IL1RAPL2: variants seen among roughly 807,000 people sequenced by gnomAD.
IL1RAPL2 encodes the protein interleukin 1 receptor accessory protein like 2, also known as X-linked interleukin-1 receptor accessory protein-like 2.
Under a neutral mutation model 44.1 loss-of-function variants are expected in IL1RAPL2, and 3 were observed. The observed-to-expected ratio is 0.07, with a 90% confidence interval of 0.03 to 0.18. The LOEUF is 0.18. IL1RAPL2 is among the 10% of genes least tolerant of loss of function. IL1RAPL2 has a pLI of 1.00. For synonymous variants in IL1RAPL2, 181 were observed against 178.8 expected, an observed-to-expected ratio of 1.01 and a Z score of -0.10; for missense variants, 391 against 496.4, an observed-to-expected ratio of 0.79 and a Z score of 2.02.
At chrX:104,797,664 A>G (rs763064268) in intron 2 of IL1RAPL2, among the ~76,000 whole-genome samples, 208 of 111,998 alleles carry the variant, frequency 1.9e-3, no homozygotes, top group Non-Finnish European at 3.3e-3. Context: ...TAAGAGGTAG[A>G]TTCATTCTCA....
chrX:105,758,164 C>T (rs946419968), intron 10 of IL1RAPL2, among the ~76,000 whole-genome samples: 4 of 111,423 alleles, frequency 3.6e-5, no homozygotes, highest in African/African-American at 1.3e-4. Flanking sequence ...ACTACTCCTT[C>T]CTCTGAAAAC....
chrX:105,500,837 A>G (rs1174013665), intron 6 of IL1RAPL2, among the ~76,000 whole-genome samples: 1 of 110,771 alleles, frequency 9.0e-6, no homozygotes, highest in Non-Finnish European at 1.9e-5. Context: ...CTCACTCACA[A>G]CCTCCTGGCA....
At chrX:105,161,255 T>C (rs1253414695) in intron 2 of IL1RAPL2, among the ~76,000 whole-genome samples, 1 of 104,949 alleles carries the variant, frequency 9.5e-6, no homozygotes, top group Non-Finnish European at 1.9e-5. Context: ...TTGCGTGTGC[T>C]TAAAATAACT....
At chrX:105,180,362 A>AG (rs1299890588) in intron 2 of IL1RAPL2, among the ~76,000 whole-genome samples, 1 of 111,219 alleles carries the variant, frequency 9.0e-6, no homozygotes, top group African/African-American at 3.3e-5. Flanking sequence ...AAAACAAAAA[A>AG]AAAAGAAAAG....
intron 2 of IL1RAPL2, among the ~76,000 whole-genome samples, chrX:104,966,215 T>C (rs1333902441): frequency 9.0e-6 from 1 of 111,312 alleles, no homozygotes; most frequent in Non-Finnish European, 1.9e-5. Context: ...AAAAGTTTGG[T>C]AAGTGGAAAA....
chrX:105,032,806 G>A (rs1371221664), intron 2 of IL1RAPL2, among the ~76,000 whole-genome samples: 2 of 111,233 alleles, frequency 1.8e-5, no homozygotes, highest in Non-Finnish European at 1.9e-5. Flanking sequence ...TCGTTGATCT[G>A]TCTAATGTTG....
At chrX:104,781,006 A>G (rs1357697938) in intron 2 of IL1RAPL2, among the ~76,000 whole-genome samples, 1 of 111,498 alleles carries the variant, frequency 9.0e-6, no homozygotes, top group African/African-American at 3.3e-5. Flanking sequence ...GTCCCTTGAG[A>G]AGTTTCCCAA....
chrX:105,114,204 G>A (rs2032829397), intron 2 of IL1RAPL2, among the ~76,000 whole-genome samples: 1 of 111,709 alleles, frequency 9.0e-6, no homozygotes, highest in Admixed American at 9.5e-5. Context: ...AAGCTCTTCC[G>A]CCATGTGAGG....
intron 2 of IL1RAPL2, among the ~76,000 whole-genome samples, chrX:104,932,981 G>A (rs1370940823): frequency 9.0e-6 from 1 of 111,679 alleles, no homozygotes; most frequent in African/African-American, 3.3e-5. Context: ...AAGTATCTAT[G>A]AAGACATAGA....
At chrX:105,526,802 T>C (rs1282610937) in intron 6 of IL1RAPL2, among the ~76,000 whole-genome samples, 1 of 111,835 alleles carries the variant, frequency 8.9e-6, no homozygotes, top group Non-Finnish European at 1.9e-5. Flanking sequence ...AAATGAAAAA[T>C]ACACTAAGTT....
At chrX:105,219,719 A>G in intron 3 of IL1RAPL2, 1 of 1,203,384 alleles carries the variant, frequency 8.3e-7, no homozygotes. Flanking sequence ...AGGCCTGGCC[A>G]CCCTGCCCCC....
chrX:105,076,872 CT>C (rs1319818960), intron 2 of IL1RAPL2, among the ~76,000 whole-genome samples: 2 of 110,778 alleles, frequency 1.8e-5, no homozygotes, highest in African/African-American at 6.6e-5. Flanking sequence ...CAACCCCTGC[CT>C]TTTTTTGTTT....
chrX:105,650,455 T>C (rs1238297845), intron 6 of IL1RAPL2, among the ~76,000 whole-genome samples: 1 of 111,941 alleles, frequency 8.9e-6, no homozygotes, highest in African/African-American at 3.2e-5. Context: ...CTGGGACTCA[T>C]ATTCTTCAAA....
intron 6 of IL1RAPL2, among the ~76,000 whole-genome samples, chrX:105,628,960 G>T (rs977053376): frequency 9.2e-6 from 1 of 109,206 alleles, no homozygotes; most frequent in Non-Finnish European, 1.9e-5. Context: ...AAAAAAAGTT[G>T]AGCAGGGGTT....
At chrX:104,790,448 C>G (rs754360782) in intron 2 of IL1RAPL2, among the ~76,000 whole-genome samples, 70 of 111,459 alleles carry the variant, frequency 6.3e-4, no homozygotes, top group Non-Finnish European at 8.3e-4. Flanking sequence ...AGAACCACTA[C>G]AAGAATTTTG....
chrX:104,974,328 A>C (rs760825206), intron 2 of IL1RAPL2, among the ~76,000 whole-genome samples: 3 of 112,198 alleles, frequency 2.7e-5, no homozygotes, highest in Non-Finnish European at 3.8e-5. Context: ...AAAAATCTTA[A>C]AGTTAAATTT....
chrX:104,582,578 TTTTCTTTCTTTCTTTCTTTTTC>T (rs1193463377), intron 1 of IL1RAPL2, among the ~76,000 whole-genome samples: 2 of 59,828 alleles, frequency 3.3e-5, no homozygotes, highest in Admixed American at 2.2e-4. Context: ...CTTTCTTTCT[TTTTCTTTCTTTCTTTCTTTTTC>T]TTTCTTTCTT....
chrX:105,599,614 T>C (rs1358316414), intron 6 of IL1RAPL2, among the ~76,000 whole-genome samples: 1 of 111,362 alleles, frequency 9.0e-6, no homozygotes, highest in Non-Finnish European at 1.9e-5. Flanking sequence ...TTCAATCTTT[T>C]TTTAAAAAAA....
intron 3 of IL1RAPL2, among the ~76,000 whole-genome samples, chrX:105,224,038 T>C (rs970439988): frequency 9.0e-6 from 1 of 110,803 alleles, no homozygotes; most frequent in Non-Finnish European, 1.9e-5. Context: ...GTGTTTTCAG[T>C]GCTCAGTTTG....
Sources: gnomAD v4.1 joint callset for allele counts (sites outside exome capture counted in the v4.1 genomes callset) on GRCh38, gnomAD v4.1.1 for gene constraint, MANE v1.5 for transcripts, NCBI Gene and HGNC (gene_info 2026-07-23, HGNC 2026-07-21) for gene names.